Variants in MYO6 observed in about 807,000 individuals in gnomAD.
MYO6 encodes myosin VI, also known as unconventional myosin-VI.
In MYO6, 74 loss-of-function variants were observed where a neutral mutation model predicts 178.7. The observed-to-expected ratio is 0.41, with a 90% confidence interval of 0.34 to 0.50. MYO6 has a LOEUF of 0.50. MYO6 is among the 20% of genes least tolerant of loss of function. The pLI, the probability that MYO6 is intolerant of heterozygous loss-of-function variation, is 0.09. For synonymous variants in MYO6, 477 were observed against 504.6 expected (o/e 0.95, Z 0.73); for missense variants, 1,330 against 1,547.4 (o/e 0.86, Z 2.36).
At chr6:75,862,477 G>A (rs1339705096) in intron 15 of MYO6, 119 bp from the exon 16 acceptor site, 1 of 904,872 alleles carries the variant, frequency 1.1e-6, no homozygotes, top group Non-Finnish European at 1.8e-6. Flanking sequence ...AACACATATA[G>A]AATCACATGC....
chr6:75,765,984 C>A (rs996178450), intron 1 of MYO6, among the ~76,000 whole-genome samples: 1 of 152,074 alleles, frequency 6.6e-6, no homozygotes, highest in Non-Finnish European at 1.5e-5. Context: ...GATATAATTG[C>A]ACCACTGAAC....
rs1582033346 is a variant in MYO6 at position 75,918,267 on chromosome 6, G to A, written c.*3255G>A. On this transcript the variant is annotated 3_prime_UTR_variant, in exon 35 of 35. Transcript: ENST00000369977. ...TAAACTAACAAGGATGGAAGGGGAGGGCAAAGGATATCTAAACATGAGAAT... is the reference window on the plus strand; with the variant it reads ...TAAACTAACAAGGATGGAAGGGGAGAGCAAAGGATATCTAAACATGAGAAT... The A allele has an allele frequency of 6.6e-6, 1 of 152,058 alleles. No homozygotes were observed. Among genetic ancestry groups the A allele is most frequent in the Admixed American group, 6.5e-5 (1 of 15,272 alleles). 9.4% of individuals were successfully genotyped at this position (152,058 alleles called of 1,614,324 possible).
chr6:75,887,939 A>G (rs1412525162), intron 25 of MYO6, among the ~76,000 whole-genome samples: 1 of 151,988 alleles, frequency 6.6e-6, no homozygotes, highest in East Asian at 1.9e-4. Flanking sequence ...AGATCGCGCC[A>G]CTGCACTCCA....
At chr6:75,761,614 C>T (rs898258238) in intron 1 of MYO6, among the ~76,000 whole-genome samples, 2 of 151,678 alleles carry the variant, frequency 1.3e-5, no homozygotes, top group Non-Finnish European at 2.9e-5. Flanking sequence ...CACACACACA[C>T]ACACACACAC....
chr6:75,795,557 C>T (rs1412002636), intron 1 of MYO6, among the ~76,000 whole-genome samples: 1 of 152,138 alleles, frequency 6.6e-6, no homozygotes, highest in African/African-American at 2.4e-5. Context: ...GTGTCTGTCT[C>T]AAGTCTTTGT....
chr6:75,869,464 CAT>C (rs1474193155), intron 18 of MYO6, among the ~76,000 whole-genome samples: 1 of 152,122 alleles, frequency 6.6e-6, no homozygotes, highest in Non-Finnish European at 1.5e-5. Context: ...TTAGATTAAA[CAT>C]AATAACTCCT....
intron 1 of MYO6, among the ~76,000 whole-genome samples, chr6:75,785,990 A>G (rs1336182043): frequency 6.6e-6 from 1 of 151,964 alleles, no homozygotes; most frequent in Non-Finnish European, 1.5e-5. Flanking sequence ...ATCCTGGCTC[A>G]CTGCAACCTC....
intron 16 of MYO6, 75 bp downstream of exon 16, chr6:75,862,798 ATT>A (rs1776313305): frequency 6.6e-7 from 1 of 1,507,398 alleles, no homozygotes; most frequent in Non-Finnish European, 9.2e-7. Context: ...GCTATTAGAT[ATT>A]ACTAGATAAT....
intron 19 of MYO6, among the ~76,000 whole-genome samples, chr6:75,872,135 A>G (rs1777206776): frequency 6.6e-6 from 1 of 151,962 alleles, no homozygotes; most frequent in Admixed American, 6.5e-5. Flanking sequence ...TCTCAAAAAT[A>G]AAAATAAAAA....
At chr6:75,852,764 G>A (rs1562248383) in intron 11 of MYO6, among the ~76,000 whole-genome samples, 1 of 152,106 alleles carries the variant, frequency 6.6e-6, no homozygotes. Context: ...AGACATTTGG[G>A]TTGTTTCCAT....
intron 30 of MYO6, among the ~76,000 whole-genome samples, chr6:75,906,717 A>T (rs1780359346): frequency 1.3e-5 from 2 of 152,094 alleles, no homozygotes; most frequent in Admixed American, 1.3e-4. Context: ...CGCAAAACCA[A>T]AAAAGCAGGC....
chr6:75,840,167 T>TC (rs1353290196), intron 7 of MYO6, among the ~76,000 whole-genome samples: 1 of 150,824 alleles, frequency 6.6e-6, no homozygotes, highest in Non-Finnish European at 1.5e-5. Flanking sequence ...TAATTTTTTT[T>TC]TTTTTTTTTT....
intron 1 of MYO6, among the ~76,000 whole-genome samples, chr6:75,767,454 G>A (rs1227743928): frequency 1.3e-5 from 2 of 150,490 alleles, no homozygotes; most frequent in African/African-American, 2.4e-5. Context: ...TTAAAGTGAT[G>A]TAAATGAGAA....
chr6:75,901,957 G>A (rs1779814170), intron 30 of MYO6, among the ~76,000 whole-genome samples: 1 of 152,182 alleles, frequency 6.6e-6, no homozygotes, highest in African/African-American at 2.4e-5. Flanking sequence ...TTTGTCAAAA[G>A]CCTTTTCTGC....
At chr6:75,801,896 A>C (rs1426254788) in intron 1 of MYO6, among the ~76,000 whole-genome samples, 12 of 151,854 alleles carry the variant, frequency 7.9e-5, no homozygotes, top group African/African-American at 2.4e-4. Flanking sequence ...AGCTGAGATC[A>C]CGCCATTGTA....
At chr6:75,886,143 A>G (rs752867585) in intron 24 of MYO6, 49 bp downstream of exon 24, 11 of 1,247,762 alleles carry the variant, frequency 8.8e-6, no homozygotes, top group African/African-American at 3.0e-5. Context: ...TAGTTACTGT[A>G]ATACAAAATG....
intron 12 of MYO6, among the ~76,000 whole-genome samples, chr6:75,856,577 C>T (rs937685823): frequency 6.6e-6 from 1 of 151,310 alleles, no homozygotes; most frequent in African/African-American, 2.4e-5. Flanking sequence ...GTGCCAGTCT[C>T]TCTTCATCAG....
intron 3 of MYO6, among the ~76,000 whole-genome samples, chr6:75,824,375 T>C (rs1409884596): frequency 6.6e-6 from 1 of 152,200 alleles, no homozygotes; most frequent in Non-Finnish European, 1.5e-5. Context: ...AAGACACTTT[T>C]CTGAAACCAC....
chr6:75,813,344 C>T (rs1449651433), intron 1 of MYO6, among the ~76,000 whole-genome samples: 1 of 152,178 alleles, frequency 6.6e-6, no homozygotes, highest in Admixed American at 6.5e-5. Flanking sequence ...AGCCTGGCTA[C>T]TGCCGATGTT....
Sources: gnomAD v4.1 joint callset for allele counts (sites outside exome capture counted in the v4.1 genomes callset) on GRCh38, gnomAD v4.1.1 for gene constraint, MANE v1.5 for transcripts, NCBI Gene and HGNC (gene_info 2026-07-23, HGNC 2026-07-21) for gene names.